Variants in RCAN2 observed in about 807,000 individuals in gnomAD.
The protein encoded by RCAN2 is regulator of calcineurin 2, also known as calcipressin-2.
Under a neutral mutation model 23.6 loss-of-function variants are expected in RCAN2, and 9 were observed. That is an observed-to-expected ratio of 0.38 (90% CI 0.23 to 0.67). The LOEUF is 0.67. Among genes scored for constraint, RCAN2 ranks in the 30% least tolerant of loss-of-function variants. The pLI is 0.51. For synonymous variants in RCAN2, 109 were observed against 115.7 expected (o/e 0.94, Z 0.37); for missense variants, 273 against 302.3 (o/e 0.90, Z 0.72).
chr6:46,359,720 T>C (rs1249874144), intron 2 of RCAN2, among the ~76,000 whole-genome samples: 1 of 152,188 alleles, frequency 6.6e-6, no homozygotes, highest in African/African-American at 2.4e-5. Context: ...AAGAAGCATA[T>C]AGTAGGGACT....
At chr6:46,256,146 G>A (rs1766907985) in intron 2 of RCAN2, among the ~76,000 whole-genome samples, 1 of 152,044 alleles carries the variant, frequency 6.6e-6, no homozygotes, top group Admixed American at 6.6e-5. Flanking sequence ...GAGGCAGGAG[G>A]ATCGCCTGGG....
intron 2 of RCAN2, among the ~76,000 whole-genome samples, chr6:46,385,682 C>A (rs909634165): frequency 6.6e-6 from 1 of 151,714 alleles, no homozygotes; most frequent in Non-Finnish European, 1.5e-5. Context: ...CATGGTGAAA[C>A]CCTGTTTCTA....
At chr6:46,488,607 T>C (rs948852903) in intron 1 of RCAN2, among the ~76,000 whole-genome samples, 3 of 152,184 alleles carry the variant, frequency 2.0e-5, no homozygotes, top group Admixed American at 1.3e-4. Flanking sequence ...GCACCAGAAA[T>C]GAAGAAATTA....
chr6:46,383,168 AGTGTGT>A (rs71305761), intron 2 of RCAN2, among the ~76,000 whole-genome samples: 1,428 of 139,380 alleles, frequency 0.01, 23 homozygotes, highest in African/African-American at 0.034. Flanking sequence ...CAGCCTGGGT[AGTGTGT>A]GTGTGTGTGT....
chr6:46,280,251 G>A (rs796351099), intron 2 of RCAN2, among the ~76,000 whole-genome samples: 1 of 152,140 alleles, frequency 6.6e-6, no homozygotes, highest in South Asian at 2.1e-4. Context: ...CAGAACTAAG[G>A]CCATTCAAGG....
chr6:46,383,011 A>G (rs1390025349), intron 2 of RCAN2, among the ~76,000 whole-genome samples: 1 of 152,202 alleles, frequency 6.6e-6, no homozygotes, highest in Non-Finnish European at 1.5e-5. Flanking sequence ...CAAAGGACAG[A>G]ACCATCCTAA....
At chr6:46,267,381 G>C (rs567978501) in intron 2 of RCAN2, among the ~76,000 whole-genome samples, 27 of 152,124 alleles carry the variant, frequency 1.8e-4, no homozygotes, top group African/African-American at 5.5e-4. Context: ...AAGTTTATCA[G>C]AAAAAAAGAA....
At chr6:46,490,589 A>T (rs1769112035) in intron 1 of RCAN2, among the ~76,000 whole-genome samples, 1 of 152,112 alleles carries the variant, frequency 6.6e-6, no homozygotes. Flanking sequence ...AACCCGGCAC[A>T]CTGCGCTCCG....
chr6:46,347,085 C>T (rs1275639775), intron 2 of RCAN2, among the ~76,000 whole-genome samples: 1 of 152,134 alleles, frequency 6.6e-6, no homozygotes. Flanking sequence ...CCATGTTAGC[C>T]AGGATAGTCT....
In RCAN2 at chr6:46,221,525, T is replaced by C. The variant is rs907418360; in HGVS notation, c.*1616A>G. On this transcript the variant is annotated 3_prime_UTR_variant, in exon 5 of 5. Coordinates refer to ENST00000371374, the MANE Select transcript of RCAN2 (RefSeq NM_001251974.2). Reference sequence around the variant, plus strand: ...GAGTTTTCATTTTCCTTATGGAAACTCAGGATTTTACAAGCAATGCTCTCC... The same window carrying C: ...GAGTTTTCATTTTCCTTATGGAAACCCAGGATTTTACAAGCAATGCTCTCC... 6.1e-6 allele frequency: 1 copy of C among 164,140 alleles called. No homozygotes were observed. Among genetic ancestry groups the C allele is most frequent in the Non-Finnish European group, 1.3e-5 (1 of 75,926 alleles). The allele number at this position is 164,140 out of a possible 1,614,324, so 10.2% of individuals were successfully genotyped here.
At chr6:46,275,165 CTT>C (rs1327631995) in intron 2 of RCAN2, among the ~76,000 whole-genome samples, 1 of 145,718 alleles carries the variant, frequency 6.9e-6, no homozygotes, top group Non-Finnish European at 1.5e-5. Context: ...CAATCATCAC[CTT>C]TTTTTTTTTT....
At chr6:46,242,872 C>T (rs1452731760) in intron 4 of RCAN2, among the ~76,000 whole-genome samples, 1 of 152,222 alleles carries the variant, frequency 6.6e-6, no homozygotes, top group East Asian at 1.9e-4. Context: ...TCTATTCCTT[C>T]GTTCATTCAC....
intron 2 of RCAN2, among the ~76,000 whole-genome samples, chr6:46,322,176 G>A (rs1282989891): frequency 2.0e-5 from 3 of 152,218 alleles, no homozygotes; most frequent in Admixed American, 2.0e-4. Context: ...TTGGCTCTTT[G>A]TGGAGTGGGT....
chr6:46,328,413 T>C (rs930237487), intron 2 of RCAN2, among the ~76,000 whole-genome samples: 2 of 152,098 alleles, frequency 1.3e-5, no homozygotes, highest in Admixed American at 6.5e-5. Flanking sequence ...TAGGGCAGAG[T>C]TCTAGGCATC....
At chr6:46,405,089 T>C (rs1001008098) in intron 2 of RCAN2, among the ~76,000 whole-genome samples, 2 of 152,196 alleles carry the variant, frequency 1.3e-5, no homozygotes, top group African/African-American at 2.4e-5. Context: ...ACTTCAAGAA[T>C]GAAGCCGCGG....
chr6:46,338,138 G>A (rs1296775993), intron 2 of RCAN2, among the ~76,000 whole-genome samples: 1 of 152,226 alleles, frequency 6.6e-6, no homozygotes, highest in Non-Finnish European at 1.5e-5. Context: ...TAGCAAAACA[G>A]TAACATATAG....
chr6:46,332,086 C>G (rs2150367523), intron 2 of RCAN2, among the ~76,000 whole-genome samples: 1 of 152,256 alleles, frequency 6.6e-6, no homozygotes, highest in East Asian at 1.9e-4. Flanking sequence ...ATCTATTCCA[C>G]CAACTAAAGA....
At chr6:46,291,313 CT>C (rs1461895437) in intron 2 of RCAN2, among the ~76,000 whole-genome samples, 26 of 138,912 alleles carry the variant, frequency 1.9e-4, no homozygotes, top group African/African-American at 7.0e-4. Flanking sequence ...GTTATTTTTG[CT>C]TTTTAAATGA....
intron 2 of RCAN2, among the ~76,000 whole-genome samples, chr6:46,341,452 G>T (rs1207257262): frequency 2.0e-5 from 3 of 152,212 alleles, no homozygotes; most frequent in African/African-American, 7.2e-5. Context: ...ACGAATTTGT[G>T]TTGGGCCAAA....
Sources: gnomAD v4.1 joint callset for allele counts (sites outside exome capture counted in the v4.1 genomes callset) on GRCh38, gnomAD v4.1.1 for gene constraint, MANE v1.5 for transcripts, NCBI Gene and HGNC (gene_info 2026-07-23, HGNC 2026-07-21) for gene names.